The following GRM8 variants were observed in gnomAD, a reference collection of about 807,000 sequenced individuals.
GRM8 encodes metabotropic glutamate receptor 8.
In GRM8, 47 loss-of-function variants were observed where a neutral mutation model predicts 87.2. The ratio of observed to expected loss-of-function variants is 0.54; its 90% CI spans 0.43 to 0.69. The LOEUF (loss-of-function observed/expected upper bound fraction) is 0.69. Ranked by LOEUF, GRM8 falls within the 30% of genes least tolerant of loss-of-function variation. The pLI is 0.00. For synonymous variants in GRM8, 396 were observed against 404.5 expected (o/e 0.98, Z 0.25); for missense variants, 1,019 against 1,139.2 (o/e 0.89, Z 1.52).
At chr7:127,040,406 C>T (rs1338711035) in intron 3 of GRM8, among the ~76,000 whole-genome samples, 1 of 152,146 alleles carries the variant, frequency 6.6e-6, no homozygotes, top group Admixed American at 6.5e-5. Flanking sequence ...GCCACAAATG[C>T]CCATCCAAAT....
intron 3 of GRM8, among the ~76,000 whole-genome samples, chr7:126,972,010 G>A (rs1810480147): frequency 6.6e-6 from 1 of 152,158 alleles, no homozygotes; most frequent in African/African-American, 2.4e-5. Context: ...ATTCCGTGGA[G>A]GTAGAGACAG....
In GRM8 at chr7:126,836,377, A is replaced by T. The variant is rs190274535; in HGVS notation, c.1156+66165T>A. Among the ~76,000 whole-genome samples, 604 of 152,332 alleles carry T rather than the reference A, an allele frequency of 4.0e-3. 3 individuals carry two copies. The highest frequency in any genetic ancestry group is 0.014 in the African/African-American group (564 of 41,574). ...TGATGTATGTTGGTGATAGCCACTGAACTTGCAGCTGAATACCTGGTTCAA... is the reference window on the plus strand; with the variant it reads ...TGATGTATGTTGGTGATAGCCACTGTACTTGCAGCTGAATACCTGGTTCAA... On this transcript the variant is annotated intron_variant, in intron 6 of 10. Coordinates refer to ENST00000339582, the MANE Select transcript of GRM8 (RefSeq NM_000845.3).
At chr7:126,988,282 G>A (rs990271239) in intron 3 of GRM8, among the ~76,000 whole-genome samples, 2 of 152,312 alleles carry the variant, frequency 1.3e-5, no homozygotes, top group East Asian at 3.9e-4. Flanking sequence ...AGAGGATTTA[G>A]ATATACCATG....
At position 126,556,703 on chromosome 7, in the gene GRM8, C is replaced by A. The variant is rs1001968781; in HGVS notation, c.1495-22816G>T. Among the ~76,000 whole-genome samples, 3 of 151,976 alleles carry A rather than the reference C, an allele frequency of 2.0e-5. No individual in the cohort carries two copies. In the East Asian group the frequency reaches 5.8e-4, roughly 29 times the overall value. On this transcript the variant is annotated intron_variant, in intron 8 of 10. Coordinates refer to ENST00000339582, the MANE Select transcript of GRM8 (RefSeq NM_000845.3). ...GATTAGAAAACTTTCCTCTTTTTCA[C>A]GAGAGAACCTCCAGTCTTGTAAATG... is the stretch of plus-strand genomic sequence containing the variant.
At chr7:127,157,433 A>T (rs541016531) in intron 2 of GRM8, among the ~76,000 whole-genome samples, 29 of 152,352 alleles carry the variant, frequency 1.9e-4, no homozygotes, top group African/African-American at 6.7e-4. Context: ...AAAAAATTTT[A>T]AAAATTGTTA....
intron 8 of GRM8, among the ~76,000 whole-genome samples, chr7:126,555,955 A>T (rs1416494820): frequency 3.9e-5 from 6 of 152,326 alleles, no homozygotes; most frequent in African/African-American, 1.4e-4. Flanking sequence ...AAGTACAATG[A>T]CTATCTCTAC....
At chr7:127,212,407 GTTA>G (rs1563581990) in intron 2 of GRM8, among the ~76,000 whole-genome samples, 2 of 118,422 alleles carry the variant, frequency 1.7e-5, no homozygotes, top group African/African-American at 3.7e-5. Flanking sequence ...AGGACATGGT[GTTA>G]TTTTTTTTTT....
At chr7:127,098,138 C>T (rs1337360505) in intron 3 of GRM8, among the ~76,000 whole-genome samples, 1 of 152,184 alleles carries the variant, frequency 6.6e-6, no homozygotes, top group Non-Finnish European at 1.5e-5. Flanking sequence ...GTTATTCTTG[C>T]CAATTACCTG....
chr7:127,099,879 G>A (rs1356769251), intron 3 of GRM8, among the ~76,000 whole-genome samples: 2 of 152,164 alleles, frequency 1.3e-5, no homozygotes, highest in East Asian at 3.8e-4. Context: ...TGCAAATGTA[G>A]TTAGTTAAGA....
intron 3 of GRM8, among the ~76,000 whole-genome samples, chr7:127,067,375 A>G (rs1014869050): frequency 2.0e-5 from 3 of 152,198 alleles, no homozygotes; most frequent in Admixed American, 1.3e-4. Flanking sequence ...TTTTTAAATG[A>G]TTCCTGCCAT....
chr7:127,072,076 A>G (rs1821749215), intron 3 of GRM8, among the ~76,000 whole-genome samples: 1 of 151,704 alleles, frequency 6.6e-6, no homozygotes, highest in South Asian at 2.1e-4. Context: ...AGACATGGTG[A>G]GGTTTATGCT....
chr7:127,135,466 C>T (rs1157962909), intron 2 of GRM8, among the ~76,000 whole-genome samples: 1 of 151,694 alleles, frequency 6.6e-6, no homozygotes, highest in Non-Finnish European at 1.5e-5. Flanking sequence ...ACTGATCTTT[C>T]CCCACCTTCC....
chr7:126,551,756 C>T (rs1164461170), intron 8 of GRM8, among the ~76,000 whole-genome samples: 1 of 151,976 alleles, frequency 6.6e-6, no homozygotes, highest in Non-Finnish European at 1.5e-5. Context: ...CATTCCTTGA[C>T]TACCACAAAG....
chr7:126,586,658 T>C (rs1211056069), intron 8 of GRM8, among the ~76,000 whole-genome samples: 3 of 152,210 alleles, frequency 2.0e-5, no homozygotes, highest in Non-Finnish European at 4.4e-5. Context: ...ATCCCTTCCT[T>C]ATACCTTATA....
At chr7:126,812,435 G>C (rs949783781) in intron 6 of GRM8, among the ~76,000 whole-genome samples, 1 of 151,948 alleles carries the variant, frequency 6.6e-6, no homozygotes, top group Non-Finnish European at 1.5e-5. Flanking sequence ...ATACTGAATA[G>C]TATAAGTAAT....
chr7:126,677,944 G>C (rs1357199999), intron 7 of GRM8, among the ~76,000 whole-genome samples: 1 of 152,152 alleles, frequency 6.6e-6, no homozygotes, highest in Non-Finnish European at 1.5e-5. Flanking sequence ...AGCTCTCACT[G>C]TTTCCTCTGA....
At position 127,100,544 on chromosome 7, in the gene GRM8, A is replaced by G. The variant is rs533792820; in HGVS notation, c.727+5952T>C. 3.3e-5 allele frequency among the ~76,000 whole-genome samples: 5 copies of G among 152,378 alleles called. No individual in the cohort carries two copies. The South Asian group carries it at 8.3e-4, about 25-fold the overall frequency. The stretch of plus-strand genomic sequence containing the variant: ...CCCAAGACTGAGTAATTTGTAAAGG[A>G]AACAGGTTTAACTGATTCACAGTTC... On this transcript the variant is annotated intron_variant, in intron 3 of 10. Transcript: ENST00000339582.
chr7:126,976,841 TAGGA>T (rs1811038412), intron 3 of GRM8, among the ~76,000 whole-genome samples: 1 of 152,038 alleles, frequency 6.6e-6, no homozygotes, highest in Non-Finnish European at 1.5e-5. Flanking sequence ...CATGTCTTTA[TAGGA>T]AACTAGTTCC....
At chr7:127,099,368 C>T (rs1234587263) in intron 3 of GRM8, among the ~76,000 whole-genome samples, 1 of 152,178 alleles carries the variant, frequency 6.6e-6, no homozygotes, top group East Asian at 1.9e-4. Context: ...AAAAAAATCT[C>T]TGGATGTCTG....
Sources: gnomAD v4.1 joint callset for allele counts (sites outside exome capture counted in the v4.1 genomes callset) on GRCh38, gnomAD v4.1.1 for gene constraint, MANE v1.5 for transcripts, NCBI Gene and HGNC (gene_info 2026-07-23, HGNC 2026-07-21) for gene names.